Variants in LYPD6B observed in about 807,000 individuals in gnomAD.
LYPD6B encodes ly6/PLAUR domain-containing protein 6B.
Under a neutral mutation model 22.8 loss-of-function variants are expected in LYPD6B, and 17 were observed. The observed-to-expected ratio is 0.75, with a 90% CI of 0.51 to 1.12. The LOEUF (loss-of-function observed/expected upper bound fraction) is 1.12. LYPD6B is among the 50% of genes most tolerant of loss of function. The probability of loss-of-function intolerance (pLI) is 0.00; values close to 1 mark genes in which losing one functional copy is unlikely to be tolerated. For synonymous variants in LYPD6B, 106 were observed against 91.6 expected, an observed-to-expected ratio of 1.16 and a Z score of -0.90; for missense variants, 221 against 258.3, an observed-to-expected ratio of 0.86 and a Z score of 0.99.
intron 1 of LYPD6B, among the ~76,000 whole-genome samples, chr2:149,079,279 T>A (rs1266882472): frequency 6.6e-6 from 1 of 152,176 alleles, no homozygotes; most frequent in Non-Finnish European, 1.5e-5. Context: ...TCATAAAATG[T>A]AACTCTAGCT....
intron 2 of LYPD6B, among the ~76,000 whole-genome samples, chr2:149,159,997 C>G (rs1391459420): frequency 2.6e-5 from 4 of 151,774 alleles, no homozygotes; most frequent in African/African-American, 7.3e-5. Context: ...ATAAAATTAG[C>G]TATCACATTA....
chr2:149,058,256 G>A (rs1298102445), intron 1 of LYPD6B, among the ~76,000 whole-genome samples: 1 of 152,118 alleles, frequency 6.6e-6, no homozygotes, highest in African/African-American at 2.4e-5. Context: ...ACCAACAACT[G>A]GGGTTCCTGG....
chr2:149,149,323 T>A (rs1333109978), intron 2 of LYPD6B, among the ~76,000 whole-genome samples: 2 of 152,180 alleles, frequency 1.3e-5, no homozygotes, highest in East Asian at 3.9e-4. Context: ...TTGAAAGATT[T>A]CCAAGAGTTA....
intron 3 of LYPD6B, among the ~76,000 whole-genome samples, chr2:149,164,597 A>T (rs1690300674): frequency 6.6e-6 from 1 of 152,224 alleles, no homozygotes; most frequent in African/African-American, 2.4e-5. Context: ...GCAGACTAAA[A>T]GGAACAAACA....
At chr2:149,137,746 A>C (rs542478617) in intron 2 of LYPD6B, among the ~76,000 whole-genome samples, 2 of 152,350 alleles carry the variant, frequency 1.3e-5, no homozygotes, top group South Asian at 4.1e-4. Context: ...CTGTACTATA[A>C]ATAAGTCTCT....
intron 3 of LYPD6B, among the ~76,000 whole-genome samples, chr2:149,171,907 A>C (rs1294598311): frequency 6.6e-6 from 1 of 152,116 alleles, no homozygotes; most frequent in Non-Finnish European, 1.5e-5. Flanking sequence ...TCTTCAATTC[A>C]AGCACCCTGC....
chr2:149,212,092 G>A (rs1307035549), intron 5 of LYPD6B, among the ~76,000 whole-genome samples: 1 of 151,944 alleles, frequency 6.6e-6, no homozygotes, highest in Non-Finnish European at 1.5e-5. Context: ...TATTAGGTTG[G>A]TGCAGCCGGG....
chr2:149,184,062 C>T lies in LYPD6B; in HGVS notation c.78-21191C>T, dbSNP rs186568300. ...ACAAAATTAGCCGGGCATGGTGGCG[C>T]ATGCCTGTGATCCCAGCTACTCGGG... is the stretch of plus-strand genomic sequence containing the variant. On this transcript the variant is annotated intron_variant, in intron 3 of 6. Coordinates refer to ENST00000409642, the MANE Select transcript of LYPD6B (RefSeq NM_177964.5). 8.5e-5 allele frequency among the ~76,000 whole-genome samples: 13 copies of T among 152,066 alleles called. No homozygotes were observed. In the East Asian group the frequency reaches 2.5e-3, roughly 30 times the overall value.
intron 1 of LYPD6B, among the ~76,000 whole-genome samples, chr2:149,053,170 A>T (rs1435371364): frequency 6.6e-6 from 1 of 152,178 alleles, no homozygotes; most frequent in Non-Finnish European, 1.5e-5. Context: ...TCATTCGTAC[A>T]TACATACATA....
chr2:149,213,124 T>A lies in LYPD6B; in HGVS notation c.459+2T>A. 1 of 1,610,032 alleles carries A rather than the reference T, an allele frequency of 6.2e-7. No homozygotes were observed. The highest frequency in any genetic ancestry group is 1.7e-5 in the Admixed American group (1 of 59,720). On this transcript the variant is annotated splice_donor_variant, in intron 6 of 6. Transcript: ENST00000409642. LOFTEE classifies it high-confidence loss of function. ...CACAGCCGAGATTCTGAACATACGG[T>A]AAGGATCGTGTGTGTGTGTTATTGT... is the stretch of plus-strand genomic sequence containing the variant.
At chr2:149,061,203 T>G (rs1431856441) in intron 1 of LYPD6B, among the ~76,000 whole-genome samples, 1 of 146,370 alleles carries the variant, frequency 6.8e-6, no homozygotes, top group Admixed American at 6.7e-5. Flanking sequence ...AGTGCATTTT[T>G]TTTTTTTTTT....
chr2:149,076,036 G>A (rs1167208751), intron 1 of LYPD6B, among the ~76,000 whole-genome samples: 1 of 152,186 alleles, frequency 6.6e-6, no homozygotes, highest in African/African-American at 2.4e-5. Context: ...AGGAGCGGGA[G>A]AATGGGTTTT....
At chr2:149,074,815 A>ATT (rs11418220) in intron 1 of LYPD6B, among the ~76,000 whole-genome samples, 8 of 151,888 alleles carry the variant, frequency 5.3e-5, no homozygotes, top group African/African-American at 9.7e-5. Flanking sequence ...TTAAAATACA[A>ATT]TTTTTTTTCT....
chr2:149,149,950 C>T lies in LYPD6B; in HGVS notation c.6-10814C>T, dbSNP rs538447150. ...GCATTTCTAAATAACATGCGTATAC[C>T]ACTCTTTCTTGTCTTATCAGTTTGG... On this transcript the variant is annotated intron_variant, in intron 2 of 6. Coordinates refer to ENST00000409642, the MANE Select transcript of LYPD6B (RefSeq NM_177964.5). Among the ~76,000 whole-genome samples the T allele has an allele frequency of 3.3e-5, 5 of 152,210 alleles. No homozygotes were observed. The South Asian group carries it at 1.0e-3, about 32-fold the overall frequency.
chr2:149,056,036 C>T (rs1525171), intron 1 of LYPD6B, among the ~76,000 whole-genome samples: 29,259 of 152,066 alleles, frequency 0.19, 3,179 homozygotes, highest in East Asian at 0.4. Context: ...GCAGGAGGTA[C>T]GGGCTGATTT....
chr2:149,188,134 C>A (rs1351849540), intron 3 of LYPD6B, among the ~76,000 whole-genome samples: 1 of 152,058 alleles, frequency 6.6e-6, no homozygotes, highest in Non-Finnish European at 1.5e-5. Context: ...TTTTGCTCAC[C>A]TGTATGGATG....
intron 5 of LYPD6B, among the ~76,000 whole-genome samples, chr2:149,210,085 G>C (rs1043005612): frequency 6.6e-6 from 1 of 152,148 alleles, no homozygotes; most frequent in Non-Finnish European, 1.5e-5. Context: ...TGTCCAACCT[G>C]GTAGGCCTTA....
intron 2 of LYPD6B, chr2:149,142,020 A>C (rs1367919853): frequency 6.6e-6 from 1 of 152,230 alleles, no homozygotes; most frequent in African/African-American, 2.4e-5. Flanking sequence ...TAGTTAACTG[A>C]TAACATCGAG....
Position 149,135,722 on chromosome 2 carries a change from A to C in LYPD6B, c.5+4769A>C, listed in dbSNP as rs925661725. Among the ~76,000 whole-genome samples the C allele has an allele frequency of 5.3e-3, 747 of 141,466 alleles. 3 individuals are homozygous for C. Among genetic ancestry groups the C allele is most frequent in the African/African-American group, 0.022 (721 of 33,250 alleles). 92.8% of individuals were successfully genotyped at this position (141,466 alleles called of 152,430 possible). A position where few individuals can be genotyped will look rare whatever the true frequency, so the allele number is the denominator to read the frequency against. On this transcript the variant is annotated intron_variant, in intron 2 of 6. Coordinates refer to ENST00000409642, the MANE Select transcript of LYPD6B (RefSeq NM_177964.5). ...GCAACAGAGGGAGACCATGTCTCAA[A>C]AAAAAAAAAAAAAAAAAAAAAAAAG...
Sources: gnomAD v4.1 joint callset for allele counts (sites outside exome capture counted in the v4.1 genomes callset) on GRCh38, gnomAD v4.1.1 for gene constraint, MANE v1.5 for transcripts, NCBI Gene and HGNC (gene_info 2026-07-23, HGNC 2026-07-21) for gene names.